Variants in CFAP47 observed in about 807,000 individuals in gnomAD.
The protein encoded by CFAP47 is cilia- and flagella-associated protein 47.
CFAP47 carries 29 observed loss-of-function variants against 148.1 expected under a neutral mutation model. The observed-to-expected ratio is 0.20, with a 90% CI of 0.15 to 0.27. The LOEUF (loss-of-function observed/expected upper bound fraction) is 0.27. CFAP47 is among the 10% of genes least tolerant of loss of function. CFAP47 has a pLI of 1.00. For missense variants in CFAP47, 1,872 were observed against 1,697.5 expected, an observed-to-expected ratio of 1.10 and a Z score of -1.81; for synonymous variants, 664 against 577.3, an observed-to-expected ratio of 1.15 and a Z score of -2.15.
At chrX:36,135,413 T>C (rs1602004406) in intron 33 of CFAP47, among the ~76,000 whole-genome samples, 1 of 111,794 alleles carries the variant, frequency 8.9e-6, no homozygotes, top group African/African-American at 3.2e-5. Flanking sequence ...GGTGAATGAA[T>C]ACCTCATCTC....
chrX:36,369,956 C>T (rs1556021033), intron 62 of CFAP47, among the ~76,000 whole-genome samples: 1 of 111,527 alleles, frequency 9.0e-6, no homozygotes, highest in Non-Finnish European at 1.9e-5. Flanking sequence ...ATGTTTTTAG[C>T]TTCTTCTAAG....
chrX:36,223,253 T>C (rs1602054119), intron 45 of CFAP47, among the ~76,000 whole-genome samples: 1 of 110,758 alleles, frequency 9.0e-6, no homozygotes, highest in East Asian at 2.8e-4. Flanking sequence ...GGTATTTCTT[T>C]ATAGCAATGC....
intron 26 of CFAP47, among the ~76,000 whole-genome samples, chrX:36,048,610 C>T (rs1379288453): frequency 9.0e-6 from 1 of 111,627 alleles, no homozygotes; most frequent in Non-Finnish European, 1.9e-5. Context: ...GCTAATCTGT[C>T]TGCTTTCCCA....
chrX:36,165,922 T>G (rs1028812627), intron 39 of CFAP47, among the ~76,000 whole-genome samples: 1 of 111,520 alleles, frequency 9.0e-6, no homozygotes, highest in Admixed American at 9.6e-5. Flanking sequence ...CTTAACTTAA[T>G]TATCTACTTA....
chrX:36,039,528 ATTATC>A (rs992289634), intron 25 of CFAP47, among the ~76,000 whole-genome samples: 6 of 112,031 alleles, frequency 5.4e-5, no homozygotes, highest in Admixed American at 9.5e-5. Flanking sequence ...GAATTTGTTT[ATTATC>A]TTGCAGTTTC....
At chrX:35,986,224 C>T (rs745568174) in intron 15 of CFAP47, among the ~76,000 whole-genome samples, 153 of 110,877 alleles carry the variant, frequency 1.4e-3, no homozygotes, top group African/African-American at 4.8e-3. Context: ...CCATTCTCCC[C>T]GTCGCTTTCA....
intron 44 of CFAP47, among the ~76,000 whole-genome samples, chrX:36,204,300 A>C (rs1940014751): frequency 9.0e-6 from 1 of 110,898 alleles, no homozygotes; most frequent in African/African-American, 3.3e-5. Flanking sequence ...ATTGCTTGGA[A>C]ACCATCATTC....
In CFAP47 at chrX:35,921,528, CA is replaced by C. The variant is rs1373947585; in HGVS notation, c.249+1481del. On this transcript the variant is annotated intron_variant, in intron 1 of 63. Transcript: ENST00000378653. ...GGACAACCACTATTTTATGGATGTT[CA>C]GGGGACACTTGTATGGATGGTTTCT... Among the ~76,000 whole-genome samples, 5 of 111,545 alleles carry C rather than the reference CA, an allele frequency of 4.5e-5. No individual in the cohort carries two copies. The Admixed American group carries it at 4.8e-4, about 11-fold the overall frequency.
intron 30 of CFAP47, among the ~76,000 whole-genome samples, chrX:36,094,691 A>G (rs2146786628): frequency 9.0e-6 from 1 of 111,565 alleles, no homozygotes; most frequent in East Asian, 2.8e-4. Context: ...CTGTTGGCAT[A>G]TAGAAATGCT....
At chrX:36,334,313 T>C (rs1423953628) in intron 57 of CFAP47, among the ~76,000 whole-genome samples, 2 of 111,768 alleles carry the variant, frequency 1.8e-5, no homozygotes, top group African/African-American at 3.3e-5. Context: ...TTCCCTCCTG[T>C]TACAGTGGAT....
chrX:36,312,299 T>C (rs1454352731), intron 56 of CFAP47, among the ~76,000 whole-genome samples: 1 of 111,059 alleles, frequency 9.0e-6, no homozygotes, highest in Non-Finnish European at 1.9e-5. Flanking sequence ...GGAGCAGTCA[T>C]ATATTTACAT....
At chrX:36,346,411 C>A (rs1941697845) in intron 57 of CFAP47, among the ~76,000 whole-genome samples, 1 of 111,096 alleles carries the variant, frequency 9.0e-6, no homozygotes, top group Non-Finnish European at 1.9e-5. Context: ...TTGAAAAATT[C>A]TAATCCATTG....
intron 39 of CFAP47, among the ~76,000 whole-genome samples, chrX:36,176,654 C>A: frequency 8.9e-6 from 1 of 112,310 alleles, no homozygotes; most frequent in Non-Finnish European, 1.9e-5. Flanking sequence ...GCCTGTAATC[C>A]CAGCACTTTG....
At chrX:36,266,943 A>G (rs781898918) in intron 49 of CFAP47, among the ~76,000 whole-genome samples, 18 of 110,232 alleles carry the variant, frequency 1.6e-4, no homozygotes, top group Non-Finnish European at 2.8e-4. Flanking sequence ...CCCTCTCTTC[A>G]ACCTCTCTCA....
chrX:36,073,384 C>G lies in CFAP47; in HGVS notation c.4691+20C>G. The stretch of plus-strand genomic sequence containing the variant: ...AAGAAGGTGAGAGTCCCATGTTTCT[C>G]TAAATTCTTTGCTTCATATCACATC... On this transcript the variant is annotated intron_variant, in intron 29 of 63. Transcript: ENST00000378653. The G allele has an allele frequency of 2.8e-6, 3 of 1,054,339 alleles. No homozygotes were observed. Among genetic ancestry groups the G allele is most frequent in the Non-Finnish European group, 3.9e-6 (3 of 761,455 alleles). 86.9% of individuals were successfully genotyped at this position (1,054,339 alleles called of 1,213,427 possible).
chrX:36,251,198 T>A (rs782773845), intron 48 of CFAP47, 135 bp from the exon 49 acceptor site: 10 of 276,814 alleles, frequency 3.6e-5, no homozygotes, highest in Non-Finnish European at 5.1e-5. Flanking sequence ...AAAAAGTGAA[T>A]GATTTTATTG....
At chrX:36,198,275 G>A (rs1329291082) in intron 42 of CFAP47, among the ~76,000 whole-genome samples, 6 of 111,513 alleles carry the variant, frequency 5.4e-5, no homozygotes, top group African/African-American at 1.3e-4. Context: ...ATAACACAAA[G>A]TGGAGACTTC....
At chrX:36,143,117 C>T (rs1211584774) in intron 35 of CFAP47, among the ~76,000 whole-genome samples, 1 of 112,248 alleles carries the variant, frequency 8.9e-6, no homozygotes, top group Non-Finnish European at 1.9e-5. Flanking sequence ...TGATGAGAAA[C>T]TTTATGGTCC....
intron 21 of CFAP47, among the ~76,000 whole-genome samples, chrX:36,010,580 C>A (rs888079018): frequency 5.5e-5 from 6 of 108,988 alleles, no homozygotes; most frequent in Non-Finnish European, 5.7e-5. Flanking sequence ...ACCTCAGCCT[C>A]CCGAGTAGCT....
Sources: gnomAD v4.1 joint callset for allele counts (sites outside exome capture counted in the v4.1 genomes callset) on GRCh38, gnomAD v4.1.1 for gene constraint, MANE v1.5 for transcripts, NCBI Gene and HGNC (gene_info 2026-07-23, HGNC 2026-07-21) for gene names.